The following LINGO2 variants were observed in gnomAD, a reference collection of about 807,000 sequenced individuals.
The protein encoded by LINGO2 is leucine rich repeat and Ig domain containing 2, also known as leucine-rich repeat and immunoglobulin-like domain-containing nogo receptor-interacting protein 2.
A neutral mutation model predicts 30.6 loss-of-function variants in LINGO2; 14 were observed. That is an observed-to-expected ratio of 0.46 (90% confidence interval 0.30 to 0.72). The LOEUF is 0.72. LINGO2 is among the 30% of genes least tolerant of loss of function. LINGO2 has a pLI of 0.07. For synonymous variants in LINGO2, 317 were observed against 288.5 expected (o/e 1.10, Z -1.00); for missense variants, 729 against 751.7 (o/e 0.97, Z 0.35).
the LINGO2 span, among the ~76,000 whole-genome samples, chr9:28,869,587 T>C: frequency 6.6e-6 from 1 of 151,914 alleles, no homozygotes; most frequent in Non-Finnish European, 1.5e-5. Flanking sequence ...AGATGAAAAT[T>C]AGCTAAAAGT....
In LINGO2 at chr9:28,506,586, T is replaced by C. The variant is rs368810918; in HGVS notation, c.-364-30561A>G. ...GTCCATTTATAATTTATAATCATCA[T>C]GATCTACTTCTTTAAAAAAGATATG... On this transcript the variant is annotated intron_variant, in intron 1 of 5. Coordinates refer to ENST00000379992, the Ensembl canonical transcript of LINGO2. Among the ~76,000 whole-genome samples, 18 of 135,024 alleles carry C rather than the reference T, an allele frequency of 1.3e-4. No individual in the cohort carries two copies. The East Asian group carries it at 2.0e-3, about 15-fold the overall frequency. The allele number at this position is 135,024 out of a possible 152,430, so 88.6% of individuals were successfully genotyped here.
chr9:28,051,207 A>G (rs1013945750), intron 4 of LINGO2, among the ~76,000 whole-genome samples: 1 of 151,794 alleles, frequency 6.6e-6, no homozygotes, highest in Non-Finnish European at 1.5e-5. Context: ...CTACAACACC[A>G]TCAGCTAGTA....
At chr9:28,727,041 A>T in the LINGO2 span, among the ~76,000 whole-genome samples, 1 of 152,180 alleles carries the variant, frequency 6.6e-6, no homozygotes, top group South Asian at 2.1e-4. Flanking sequence ...TTTGGTTGGA[A>T]CTCTGTTTCC....
the LINGO2 span, among the ~76,000 whole-genome samples, chr9:28,815,647 C>CTTTT: frequency 6.0e-4 from 91 of 152,270 alleles, no homozygotes; most frequent in African/African-American, 2.1e-3. Flanking sequence ...TTACCACCAG[C>CTTTT]ACTAGTACCA....
At chr9:28,447,946 T>A (rs1019247086) in intron 2 of LINGO2, among the ~76,000 whole-genome samples, 2 of 152,168 alleles carry the variant, frequency 1.3e-5, no homozygotes, top group Non-Finnish European at 2.9e-5. Context: ...TCATAGTGGA[T>A]GATTTATAAT....
At chr9:27,949,753 C>T (rs983684830) in exon 6 of LINGO2, 5 of 1,613,940 alleles carry the variant, frequency 3.1e-6, no homozygotes, top group South Asian at 2.2e-5. Context: ...CGAAGCTGGG[C>T]CCCCACTATA....
chr9:28,463,098 CT>C (rs926084472), intron 2 of LINGO2, among the ~76,000 whole-genome samples: 53 of 148,756 alleles, frequency 3.6e-4, no homozygotes, highest in East Asian at 1.8e-3. Flanking sequence ...ATTAATAGCG[CT>C]TTTTTTTTTC....
At chr9:28,830,787 TACAC>T in the LINGO2 span, among the ~76,000 whole-genome samples, 54 of 152,154 alleles carry the variant, frequency 3.5e-4, no homozygotes, top group East Asian at 8.7e-3. Flanking sequence ...TACATGCTCA[TACAC>T]ACACACATGC....
chr9:29,143,039 T>A, the LINGO2 span, among the ~76,000 whole-genome samples: 2 of 143,362 alleles, frequency 1.4e-5, no homozygotes, highest in African/African-American at 5.2e-5. Context: ...ACAATCCCAT[T>A]CATAGTAGTG....
chr9:28,592,586 T>C (rs1041606724), intron 1 of LINGO2, among the ~76,000 whole-genome samples: 3 of 152,118 alleles, frequency 2.0e-5, no homozygotes, highest in African/African-American at 7.2e-5. Flanking sequence ...GCAAGGCATC[T>C]ACATAGTCTT....
the LINGO2 span, among the ~76,000 whole-genome samples, chr9:29,200,009 A>T: frequency 1.3e-5 from 2 of 152,232 alleles, no homozygotes; most frequent in South Asian, 4.1e-4. Context: ...TATCACAGGA[A>T]ATTATCACAT....
At chr9:28,747,133 T>C in the LINGO2 span, among the ~76,000 whole-genome samples, 1 of 151,714 alleles carries the variant, frequency 6.6e-6, no homozygotes, top group African/African-American at 2.4e-5. Context: ...CCTGTACCCA[T>C]ATAAACCCCA....
At chr9:28,907,660 T>A in the LINGO2 span, among the ~76,000 whole-genome samples, 1 of 151,740 alleles carries the variant, frequency 6.6e-6, no homozygotes, top group African/African-American at 2.4e-5. Context: ...TAAGAAGCTA[T>A]GTCAATTACA....
intron 2 of LINGO2, among the ~76,000 whole-genome samples, chr9:28,414,431 GCTTGCAAGT>G (rs1822892051): frequency 6.6e-6 from 1 of 151,948 alleles, no homozygotes; most frequent in Non-Finnish European, 1.5e-5. Flanking sequence ...CTCACCATGT[GCTTGCAAGT>G]CTTCAAAACC....
At chr9:29,045,714 A>G in the LINGO2 span, among the ~76,000 whole-genome samples, 1 of 152,144 alleles carries the variant, frequency 6.6e-6, no homozygotes, top group Non-Finnish European at 1.5e-5. Context: ...ATAGCATTAA[A>G]TCTGTCAATT....
chr9:28,081,749 C>T (rs76953672), intron 4 of LINGO2, among the ~76,000 whole-genome samples: 3,163 of 152,202 alleles, frequency 0.021, 49 homozygotes, highest in Non-Finnish European at 0.031. Flanking sequence ...TTTAGAGGTG[C>T]TGTAAAGATT....
At chr9:28,335,925 G>A (rs1047270303) in intron 3 of LINGO2, among the ~76,000 whole-genome samples, 4 of 151,940 alleles carry the variant, frequency 2.6e-5, no homozygotes, top group African/African-American at 7.3e-5. Context: ...GCTAACATAA[G>A]TTTACTTTTC....
chr9:28,575,353 T>C (rs1823908748), intron 1 of LINGO2, among the ~76,000 whole-genome samples: 2 of 150,096 alleles, frequency 1.3e-5, no homozygotes, highest in Non-Finnish European at 3.0e-5. Context: ...GAGCCAAGAT[T>C]GTGCCACTGC....
rs78248793 is a variant in LINGO2 at position 28,562,886 on chromosome 9, A to T, written c.-364-86861T>A. Among the ~76,000 whole-genome samples the T allele has an allele frequency of 9.6e-3, 1,461 of 152,136 alleles. 26 individuals carry two copies. The highest frequency in any genetic ancestry group is 0.031 in the African/African-American group (1,284 of 41,526). ...TTTTGGGATGGAGTCTCTCTCTGTC[A>T]CCCAGGCTGCAGTGCAGTGGCACAA... is the stretch of plus-strand genomic sequence containing the variant. On this transcript the variant is annotated intron_variant, in intron 1 of 5. Transcript: ENST00000379992.
Sources: allele counts gnomAD v4.1 joint callset (sites outside exome capture counted in the v4.1 genomes callset), GRCh38; gene constraint gnomAD v4.1.1; transcripts MANE v1.5; gene names NCBI Gene and HGNC (gene_info 2026-07-23, HGNC 2026-07-21).